Variants in RFWD3 observed in about 807,000 individuals in gnomAD.
RFWD3 encodes E3 ubiquitin-protein ligase RFWD3.
Under a neutral mutation model 87.7 loss-of-function variants are expected in RFWD3, and 65 were observed. The observed-to-expected ratio is 0.74, with a 90% CI of 0.61 to 0.91. RFWD3 has a LOEUF of 0.91. Among genes scored for constraint, RFWD3 ranks in the 40% least tolerant of loss-of-function variants. The pLI is 0.00. For synonymous variants in RFWD3, 433 were observed against 352.8 expected, an observed-to-expected ratio of 1.23 and a Z score of -2.55; for missense variants, 1,078 against 938.5, an observed-to-expected ratio of 1.15 and a Z score of -1.94.
chr16:74,637,874 C>G lies in RFWD3; in HGVS notation c.1176G>C (p.Arg392Ser). ...AACGTACCTGAACACGCCTTTGAAG[C>G]CTAGTGCACTTATCAGTGAGGACCT... The part of the protein sequence containing the change: ...QLQVLTDKCT[R>S]LQRRVQDLQK... Residue 392 changes from arginine (R) to serine (S), a missense_variant, in exon 7 of 13, where the codon AGG (arginine) becomes AGC (serine). Coordinates refer to ENST00000361070, the MANE Select transcript of RFWD3 (RefSeq NM_018124.4). 1 of 1,612,496 alleles carries G rather than the reference C, an allele frequency of 6.2e-7. No individual in the cohort carries two copies. The highest frequency in any genetic ancestry group is 8.5e-7 in the Non-Finnish European group (1 of 1,179,454).
intron 4 of RFWD3, among the ~76,000 whole-genome samples, chr16:74,648,637 T>C (rs1222604905): frequency 6.6e-6 from 1 of 150,946 alleles, no homozygotes; most frequent in Non-Finnish European, 1.5e-5. Context: ...CTGGGCGGGG[T>C]GGCGTGTGCC....
intron 2 of RFWD3, among the ~76,000 whole-genome samples, chr16:74,652,882 T>C (rs1168020993): frequency 6.6e-6 from 1 of 152,190 alleles, no homozygotes; most frequent in Non-Finnish European, 1.5e-5. Flanking sequence ...GGTCTTACAA[T>C]GTTGGCCAAG....
intron 2 of RFWD3, among the ~76,000 whole-genome samples, chr16:74,656,164 G>C (rs79477071): frequency 0.13 from 19,016 of 151,646 alleles, 1,455 homozygotes; most frequent in Admixed American, 0.24. Context: ...TGGGTGTGGC[G>C]GCTTGTGCCT....
intron 2 of RFWD3, 104 bp downstream of exon 2, chr16:74,660,828 C>T (rs2144352078): frequency 7.5e-7 from 1 of 1,335,434 alleles, no homozygotes; most frequent in Non-Finnish European, 1.0e-6. Flanking sequence ...TCAGAAGTTA[C>T]CTGACTTGCC....
chr16:74,638,068 T>C, intron 6 of RFWD3, 98 bp from the exon 7 acceptor site: 1 of 702,848 alleles, frequency 1.4e-6, no homozygotes, highest in Non-Finnish European at 2.5e-6. Flanking sequence ...ATGCACGTTC[T>C]TTGCTGTAAA....
chr16:74,631,463 A>ACACTCTCT (rs1555525199), intron 9 of RFWD3, among the ~76,000 whole-genome samples: 2 of 150,270 alleles, frequency 1.3e-5, no homozygotes, highest in East Asian at 2.0e-4. Flanking sequence ...ACAGAGTGAG[A>ACACTCTCT]CTCTCTCTCT....
chr16:74,625,749 C>A (rs1958914252), intron 12 of RFWD3, among the ~76,000 whole-genome samples: 1 of 152,178 alleles, frequency 6.6e-6, no homozygotes, highest in Non-Finnish European at 1.5e-5. Context: ...AATATGGTGG[C>A]CTCTAGTCAC....
intron 8 of RFWD3, among the ~76,000 whole-genome samples, chr16:74,634,465 G>T (rs1959177132): frequency 6.6e-6 from 1 of 151,966 alleles, no homozygotes; most frequent in Admixed American, 6.6e-5. Context: ...GCTCACAATA[G>T]CCTCGATCTC....
chr16:74,624,008 T>C lies in RFWD3; in HGVS notation c.2245A>G (p.Ile749Val). 4 of 1,614,098 alleles carry C rather than the reference T, an allele frequency of 2.5e-6. No homozygotes were observed. The highest frequency in any genetic ancestry group is 2.2e-5 in the East Asian group (1 of 44,872). Reference protein sequence around the residue: ...DLQTDQPVLDICPFEVNRNSY... With the variant: ...DLQTDQPVLDVCPFEVNRNSY... ...TTACGGTTCACCTCAAATGGGCAGA[T>C]GTCCAACACAGGCTGATCGGTCTGT... Residue 749 changes from isoleucine (I) to valine (V), a missense_variant, in exon 13 of 13, where the codon ATC (isoleucine) becomes GTC (valine). Physicochemically the swap from Ile to Val is conservative, Grantham distance 29. Transcript: ENST00000361070.
At chr16:74,662,159 G>C (rs111581866) in intron 1 of RFWD3, among the ~76,000 whole-genome samples, 5 of 150,938 alleles carry the variant, frequency 3.3e-5, no homozygotes, top group Non-Finnish European at 7.4e-5. Flanking sequence ...ATTTTTTTTT[G>C]TTATATAGAT....
At position 74,630,905 on chromosome 16, in the gene RFWD3, T is replaced by C; in HGVS notation, c.1630A>G (p.Ser544Gly). Residue 544 changes from serine (S) to glycine (G), a missense_variant, in exon 10 of 13, where the codon AGC becomes GGC. Coordinates refer to ENST00000361070, the MANE Select transcript of RFWD3 (RefSeq NM_018124.4). ...QTYNAGRPVW[S>G]CCWCLDEANY... ...GCCTCATCAAGACACCAGCAACAGC[T>C]CCAGACAGGACGTCCAGCATTATAA... The C allele has an allele frequency of 6.2e-7, 1 of 1,613,988 alleles. No homozygotes were observed. The highest frequency in any genetic ancestry group is 8.5e-7 in the Non-Finnish European group (1 of 1,179,940).
chr16:74,631,053 C>A, intron 9 of RFWD3, 96 bp from the exon 10 acceptor site: 1 of 1,143,162 alleles, frequency 8.7e-7, no homozygotes, highest in Non-Finnish European at 1.2e-6. Flanking sequence ...TTAATCCTTA[C>A]TGAGAACACA....
intron 11 of RFWD3, among the ~76,000 whole-genome samples, chr16:74,627,398 C>G (rs986120079): frequency 2.0e-5 from 3 of 152,022 alleles, no homozygotes; most frequent in African/African-American, 7.2e-5. Flanking sequence ...ACTTGTCCCT[C>G]CCCTCCACCC....
chr16:74,638,103 T>C (rs1053253587), intron 6 of RFWD3, 133 bp from the exon 7 acceptor site: 4 of 559,614 alleles, frequency 7.1e-6, no homozygotes, highest in South Asian at 6.3e-5. Context: ...GAATAAAATA[T>C]AAAAAGAGAA....
intron 3 of RFWD3, among the ~76,000 whole-genome samples, chr16:74,651,202 C>A (rs1455263932): frequency 1.3e-5 from 2 of 152,212 alleles, no homozygotes; most frequent in African/African-American, 2.4e-5. Flanking sequence ...AGGACATCTA[C>A]TTTAGGGGTC....
chr16:74,636,327 G>C lies in RFWD3; in HGVS notation c.1426+19C>G, dbSNP rs1345781876. 6.3e-7 allele frequency: 1 copy of C among 1,597,964 alleles called. No individual in the cohort carries two copies. Among genetic ancestry groups the C allele is most frequent in the Non-Finnish European group, 8.6e-7 (1 of 1,166,120 alleles). ...GAGTCTAATAAAGAACATGAAAGCT[G>C]AGGTTCTAGACTCTTTACCTGGAAG... On this transcript the variant is annotated intron_variant, in intron 8 of 12. Coordinates refer to ENST00000361070, the MANE Select transcript of RFWD3 (RefSeq NM_018124.4).
At chr16:74,655,086 A>G (rs555612908) in intron 2 of RFWD3, among the ~76,000 whole-genome samples, 48 of 152,364 alleles carry the variant, frequency 3.2e-4, no homozygotes, top group Admixed American at 5.9e-4. Flanking sequence ...TATCTACACT[A>G]AAAAGATTCT....
At chr16:74,633,956 G>A (rs1267304711) in intron 8 of RFWD3, among the ~76,000 whole-genome samples, 1 of 151,108 alleles carries the variant, frequency 6.6e-6, no homozygotes, top group Non-Finnish European at 1.5e-5. Context: ...CCTGCATCCA[G>A]CCTGGAAGAC....
At chr16:74,649,253 T>C (rs529380483) in intron 3 of RFWD3, 51 bp from the exon 4 acceptor site, 3 of 1,318,780 alleles carry the variant, frequency 2.3e-6, no homozygotes, top group African/African-American at 3.1e-5. Flanking sequence ...CAAAATAAGA[T>C]ATGTCAGGTA....
Sources: allele counts gnomAD v4.1 joint callset (sites outside exome capture counted in the v4.1 genomes callset), GRCh38; gene constraint gnomAD v4.1.1; transcripts MANE v1.5; gene names NCBI Gene and HGNC (gene_info 2026-07-23, HGNC 2026-07-21).